GALNT13: variants seen among roughly 807,000 people sequenced by gnomAD.
GALNT13 encodes the protein UDP-GalNAc:polypeptide N-acetylgalactosaminyltransferase 13.
A neutral mutation model predicts 64.2 loss-of-function variants in GALNT13; 28 were observed. The observed-to-expected ratio is 0.44, with a 90% CI of 0.32 to 0.60. The LOEUF is 0.60. Among genes scored for constraint, GALNT13 ranks in the 20% least tolerant of loss-of-function variants. The pLI is 0.05. For missense variants in GALNT13, 577 were observed against 669.8 expected (o/e 0.86, Z 1.53); for synonymous variants, 214 against 224.6 (o/e 0.95, Z 0.42).
the GALNT13 span, among the ~76,000 whole-genome samples, chr2:153,772,637 C>T: frequency 6.6e-6 from 1 of 152,300 alleles, no homozygotes; most frequent in African/African-American, 2.4e-5. Flanking sequence ...ATGCTAAAAG[C>T]CTCTAGTACG....
At chr2:153,247,614 G>T in the GALNT13 span, among the ~76,000 whole-genome samples, 1 of 152,046 alleles carries the variant, frequency 6.6e-6, no homozygotes, top group Non-Finnish European at 1.5e-5. Flanking sequence ...TCAGAAGCTA[G>T]AAAGATCTCA....
chr2:153,560,854 A>C, the GALNT13 span, among the ~76,000 whole-genome samples: 1 of 152,074 alleles, frequency 6.6e-6, no homozygotes, highest in African/African-American at 2.4e-5. Context: ...CCAAGGAAGA[A>C]CATTATGGAA....
intron 3 of GALNT13, among the ~76,000 whole-genome samples, chr2:154,045,932 CT>C (rs200553719): frequency 1.3e-5 from 2 of 149,786 alleles, no homozygotes; most frequent in African/African-American, 4.9e-5. Flanking sequence ...TCTAGTAAGT[CT>C]TTTTTTTCCT....
the GALNT13 span, among the ~76,000 whole-genome samples, chr2:153,849,996 C>A: frequency 1.2e-5 from 1 of 86,228 alleles, no homozygotes; most frequent in East Asian, 2.7e-4. Context: ...CCCGTCTCTA[C>A]TAAAAATACA....
chr2:154,077,754 A>G (rs901335917), intron 3 of GALNT13, among the ~76,000 whole-genome samples: 7 of 151,570 alleles, frequency 4.6e-5, no homozygotes, highest in Non-Finnish European at 8.9e-5. Flanking sequence ...TGACATATTT[A>G]TCTTCTAGAA....
chr2:153,516,586 T>C, the GALNT13 span, among the ~76,000 whole-genome samples: 1 of 152,084 alleles, frequency 6.6e-6, no homozygotes, highest in Middle Eastern at 3.4e-3. Context: ...TAATGAAATA[T>C]GAGAAAAAGG....
At chr2:153,176,446 G>A in the GALNT13 span, among the ~76,000 whole-genome samples, 2 of 152,028 alleles carry the variant, frequency 1.3e-5, no homozygotes. Context: ...ACGTTAAAGA[G>A]AATAAAAAGG....
intron 8 of GALNT13, among the ~76,000 whole-genome samples, chr2:154,274,861 T>C (rs1344439984): frequency 6.6e-6 from 1 of 151,944 alleles, no homozygotes; most frequent in African/African-American, 2.4e-5. Flanking sequence ...GACAGGAAGA[T>C]GTGGGAAAGT....
At chr2:153,723,266 A>G in the GALNT13 span, among the ~76,000 whole-genome samples, 1 of 149,436 alleles carries the variant, frequency 6.7e-6, no homozygotes, top group Non-Finnish European at 1.5e-5. Flanking sequence ...CTTCATGCTA[A>G]AAACTCTCAA....
the GALNT13 span, among the ~76,000 whole-genome samples, chr2:153,529,397 T>G: frequency 6.8e-6 from 1 of 147,648 alleles, no homozygotes; most frequent in Non-Finnish European, 1.5e-5. Flanking sequence ...CAGTAACAAG[T>G]AACAAGATCA....
intron 8 of GALNT13, among the ~76,000 whole-genome samples, chr2:154,271,994 G>A (rs1691380435): frequency 6.6e-6 from 1 of 151,734 alleles, no homozygotes; most frequent in African/African-American, 2.4e-5. Context: ...CTGAAAGATG[G>A]ACAGGAATTA....
chr2:153,408,257 T>C, the GALNT13 span, among the ~76,000 whole-genome samples: 91 of 151,288 alleles, frequency 6.0e-4, no homozygotes, highest in Admixed American at 9.2e-4. Context: ...TGGTTGCCAA[T>C]AGAGGAAGAG....
intron 4 of GALNT13, among the ~76,000 whole-genome samples, chr2:154,188,707 C>CT (rs879712973): frequency 6.6e-6 from 1 of 151,742 alleles, no homozygotes; most frequent in African/African-American, 2.4e-5. Flanking sequence ...AGGATGTGAC[C>CT]TTTTTTTTAT....
chr2:153,221,605 T>C, the GALNT13 span, among the ~76,000 whole-genome samples: 1 of 152,208 alleles, frequency 6.6e-6, no homozygotes, highest in East Asian at 1.9e-4. Context: ...TGGCTCATTC[T>C]GCCCACTCAG....
chr2:153,962,431 G>A (rs72993620), intron 3 of GALNT13, among the ~76,000 whole-genome samples: 12,341 of 152,174 alleles, frequency 0.081, 868 homozygotes, highest in African/African-American at 0.18. Flanking sequence ...AAAAGATGGA[G>A]ATAGGTGGTA....
chr2:153,306,189 A>G, the GALNT13 span, among the ~76,000 whole-genome samples: 2 of 152,126 alleles, frequency 1.3e-5, no homozygotes, highest in Admixed American at 6.5e-5. Context: ...CTCCCCAGCA[A>G]ACACTGCTGG....
In GALNT13 at chr2:154,396,081, AC is replaced by A; in HGVS notation, c.1248del (p.Asn416LysfsTer18). On this transcript the variant is annotated frameshift_variant, in exon 10 of 13. Transcript: ENST00000392825. LOFTEE classifies it high-confidence loss of function. ...KCKPFSWYLENIYPDSQIPRR... is the reference protein window; with the variant it reads ...KCKPFSWYLEXIYPDSQIPRR... Reference sequence around the variant, plus strand: ...AAGCCCTTTTCTTGGTACCTAGAAAACATCTATCCGGACTCCCAGATCCCAA... The same window carrying A: ...AAGCCCTTTTCTTGGTACCTAGAAAAATCTATCCGGACTCCCAGATCCCAA... 1 of 1,610,586 alleles carries A rather than the reference AC, an allele frequency of 6.2e-7. No homozygotes were observed. The highest frequency in any genetic ancestry group is 1.1e-5 in the South Asian group (1 of 90,618).
chr2:153,675,445 C>A, the GALNT13 span, among the ~76,000 whole-genome samples: 3 of 151,918 alleles, frequency 2.0e-5, no homozygotes, highest in Non-Finnish European at 4.4e-5. Flanking sequence ...ATCATAAGGA[C>A]AGAAAACCAA....
the GALNT13 span, among the ~76,000 whole-genome samples, chr2:153,601,806 C>A: frequency 0.26 from 39,698 of 151,554 alleles, 5,566 homozygotes; most frequent in South Asian, 0.42. Flanking sequence ...AAAGACACTA[C>A]CAAATGGCAG....
Sources: allele counts gnomAD v4.1 joint callset (sites outside exome capture counted in the v4.1 genomes callset), GRCh38; gene constraint gnomAD v4.1.1; transcripts MANE v1.5; gene names NCBI Gene and HGNC (gene_info 2026-07-23, HGNC 2026-07-21).